Variants in FSIP1 observed in about 807,000 individuals in gnomAD.
FSIP1 encodes fibrous sheath interacting protein 1, also known as fibrous sheath-interacting protein 1.
FSIP1 carries 65 observed loss-of-function variants against 60.9 expected under a neutral mutation model. That is an observed-to-expected ratio of 1.07 (90% CI 0.87 to 1.31). The LOEUF (loss-of-function observed/expected upper bound fraction) is 1.31. Ranked by LOEUF, FSIP1 falls within the 40% of genes most tolerant of loss-of-function variation. The probability of loss-of-function intolerance (pLI) is 0.00; values close to 1 mark genes in which losing one functional copy is unlikely to be tolerated. For synonymous variants in FSIP1, 209 were observed against 221.2 expected (o/e 0.94, Z 0.49); for missense variants, 675 against 665.5 (o/e 1.01, Z -0.16).
At chr15:39,639,647 C>T (rs939470556) in intron 10 of FSIP1, among the ~76,000 whole-genome samples, 1 of 152,138 alleles carries the variant, frequency 6.6e-6, no homozygotes, top group Non-Finnish European at 1.5e-5. Context: ...TCTTTGGATT[C>T]TACCATAAAG....
chr15:39,701,071 G>A lies in FSIP1; in HGVS notation c.1188+12373C>T, dbSNP rs1489383076. Among the ~76,000 whole-genome samples the A allele has an allele frequency of 2.6e-5, 4 of 152,190 alleles. No homozygotes were observed. In the East Asian group the frequency reaches 7.7e-4, roughly 29 times the overall value. On this transcript the variant is annotated intron_variant, in intron 10 of 11. Transcript: ENST00000350221. The stretch of plus-strand genomic sequence containing the variant: ...GGGGGCTGAGGTGGAAGGATCACTT[G>A]AGCCCAAGGGGCAGGGGTTGCGGTG...
intron 10 of FSIP1, among the ~76,000 whole-genome samples, chr15:39,695,331 C>T (rs1340607179): frequency 6.6e-6 from 1 of 151,612 alleles, no homozygotes; most frequent in Non-Finnish European, 1.5e-5. Flanking sequence ...CCCAACTGTT[C>T]CTCTTCTGCT....
intron 11 of FSIP1, 28 bp from the exon 12 acceptor site, chr15:39,600,954 A>G: frequency 6.4e-7 from 1 of 1,572,552 alleles, no homozygotes; most frequent in Non-Finnish European, 8.6e-7. Context: ...AACCACAGTT[A>G]TTAGAGATTC....
intron 11 of FSIP1, among the ~76,000 whole-genome samples, chr15:39,606,959 C>T (rs533825399): frequency 3.9e-5 from 6 of 152,196 alleles, no homozygotes; most frequent in East Asian, 1.9e-4. Flanking sequence ...CTTTTTGCTT[C>T]GGAAGTGCCA....
At chr15:39,699,454 C>T (rs1052201759) in intron 10 of FSIP1, among the ~76,000 whole-genome samples, 1 of 152,110 alleles carries the variant, frequency 6.6e-6, no homozygotes, top group African/African-American at 2.4e-5. Context: ...TTTTATTGAA[C>T]GTCCACTTTT....
chr15:39,767,692 A>G (rs944384446), intron 3 of FSIP1, among the ~76,000 whole-genome samples: 3 of 152,206 alleles, frequency 2.0e-5, no homozygotes, highest in Admixed American at 1.3e-4. Context: ...CAAACCAGTG[A>G]CTACGGAACG....
At chr15:39,624,881 T>C (rs994748753) in intron 10 of FSIP1, among the ~76,000 whole-genome samples, 4 of 152,076 alleles carry the variant, frequency 2.6e-5, no homozygotes, top group African/African-American at 9.7e-5. Context: ...TAAACCACCA[T>C]CAAGAGTGAG....
At position 39,729,540 on chromosome 15, in the gene FSIP1, C is replaced by T. The variant is rs188394633; in HGVS notation, c.892-2793G>A. ...AGTGAGCCATGACGACATCACTGCACTCCAACCTGGGTGACAGAGTAAGAC... is the reference window on the plus strand; with the variant it reads ...AGTGAGCCATGACGACATCACTGCATTCCAACCTGGGTGACAGAGTAAGAC... On this transcript the variant is annotated intron_variant, in intron 8 of 11. Transcript: ENST00000350221. Among the ~76,000 whole-genome samples, 3 of 152,194 alleles carry T rather than the reference C, an allele frequency of 2.0e-5. No homozygotes were observed. In the East Asian group the frequency reaches 5.8e-4, roughly 29 times the overall value.
chr15:39,665,012 T>A (rs1893441137), intron 10 of FSIP1, among the ~76,000 whole-genome samples: 1 of 152,232 alleles, frequency 6.6e-6, no homozygotes, highest in Non-Finnish European at 1.5e-5. Context: ...TTTTTGGAGC[T>A]GTGAAATAAA....
At chr15:39,725,287 T>G (rs1250581764) in intron 9 of FSIP1, among the ~76,000 whole-genome samples, 2 of 152,168 alleles carry the variant, frequency 1.3e-5, no homozygotes, top group Non-Finnish European at 2.9e-5. Flanking sequence ...AAGATTCCAA[T>G]TATCTCTGTT....
intron 10 of FSIP1, among the ~76,000 whole-genome samples, chr15:39,647,803 C>T (rs1005230709): frequency 3.3e-5 from 5 of 151,828 alleles, no homozygotes; most frequent in Admixed American, 1.3e-4. Flanking sequence ...TTTAAATGTT[C>T]TAACAAAATC....
rs137914622 is a variant in FSIP1 at position 39,639,383 on chromosome 15, G to A, written c.1189-21138C>T. ...TCTTTGCAAGCCCTTGCCAGCAAGT[G>A]AAAAGCAATCTAGGAAACCACAAGC... On this transcript the variant is annotated intron_variant, in intron 10 of 11. Coordinates refer to ENST00000350221, the MANE Select transcript of FSIP1 (RefSeq NM_152597.5). Among the ~76,000 whole-genome samples, 15 of 152,132 alleles carry A rather than the reference G, an allele frequency of 9.9e-5. No homozygotes were observed. The East Asian group carries it at 2.9e-3, about 29-fold the overall frequency.
At chr15:39,627,970 G>C (rs1891712944) in intron 10 of FSIP1, among the ~76,000 whole-genome samples, 1 of 152,218 alleles carries the variant, frequency 6.6e-6, no homozygotes, top group Non-Finnish European at 1.5e-5. Context: ...GAAGCACAGG[G>C]TTAGCAGCTC....
chr15:39,705,799 A>G (rs565768380), intron 10 of FSIP1, among the ~76,000 whole-genome samples: 1 of 152,240 alleles, frequency 6.6e-6, no homozygotes, highest in South Asian at 2.1e-4. Flanking sequence ...GGAGTTCGAG[A>G]CCAGCCTGGC....
intron 5 of FSIP1, among the ~76,000 whole-genome samples, chr15:39,745,947 C>A (rs945830005): frequency 6.6e-6 from 1 of 152,020 alleles, no homozygotes; most frequent in African/African-American, 2.4e-5. Context: ...GGCATGGTGG[C>A]ATGTACCTGT....
chr15:39,620,598 T>A (rs1246979626), intron 10 of FSIP1, among the ~76,000 whole-genome samples: 1 of 151,366 alleles, frequency 6.6e-6, no homozygotes, highest in Non-Finnish European at 1.5e-5. Context: ...TTAAATGTAT[T>A]CTTTTTTTTT....
chr15:39,757,255 CT>C (rs1191193499), intron 5 of FSIP1, among the ~76,000 whole-genome samples: 9 of 152,070 alleles, frequency 5.9e-5, no homozygotes, highest in Admixed American at 2.6e-4. Flanking sequence ...AAAACAGTAG[CT>C]GAGATCTAAT....
chr15:39,724,303 A>G (rs911660820), intron 9 of FSIP1, among the ~76,000 whole-genome samples: 3 of 150,220 alleles, frequency 2.0e-5, no homozygotes, highest in Non-Finnish European at 4.4e-5. Context: ...CCCAGGCTGC[A>G]GTGCATGGCA....
At chr15:39,742,866 A>G (rs16969781) in intron 5 of FSIP1, among the ~76,000 whole-genome samples, 15,125 of 152,266 alleles carry the variant, frequency 0.099, 938 homozygotes, top group African/African-American at 0.16. Context: ...TAGTCTTTGT[A>G]CAATCTTTGA....
Sources: allele counts gnomAD v4.1 joint callset (sites outside exome capture counted in the v4.1 genomes callset), GRCh38; gene constraint gnomAD v4.1.1; transcripts MANE v1.5; gene names NCBI Gene and HGNC (gene_info 2026-07-23, HGNC 2026-07-21).